The following LRRC7 variants were observed in gnomAD, a reference collection of about 807,000 sequenced individuals.
LRRC7 encodes the protein leucine rich repeat containing 7.
In LRRC7, 23 loss-of-function variants were observed where a neutral mutation model predicts 175.7. The ratio of observed to expected loss-of-function variants is 0.13; its 90% CI spans 0.09 to 0.19. The LOEUF is 0.19. Ranked by LOEUF, LRRC7 falls within the 10% of genes least tolerant of loss-of-function variation. The pLI is 1.00. For synonymous variants in LRRC7, 685 were observed against 680.9 expected (o/e 1.01, Z -0.09); for missense variants, 1,354 against 1,904.7 (o/e 0.71, Z 5.38).
intron 1 of LRRC7, among the ~76,000 whole-genome samples, chr1:69,626,333 C>T (rs1041761993): frequency 6.6e-6 from 1 of 150,650 alleles, no homozygotes. Flanking sequence ...GGATCTTGAC[C>T]CCATATTTCT....
chr1:69,871,433 G>A (rs989739000), intron 7 of LRRC7, among the ~76,000 whole-genome samples: 9 of 151,898 alleles, frequency 5.9e-5, no homozygotes, highest in Non-Finnish European at 1.2e-4. Flanking sequence ...TAAGTTGCAC[G>A]TTTCAGAATC....
intron 5 of LRRC7, among the ~76,000 whole-genome samples, chr1:69,827,022 A>G (rs1257659558): frequency 2.0e-5 from 3 of 152,198 alleles, no homozygotes; most frequent in Non-Finnish European, 4.4e-5. Flanking sequence ...TAAAACATCA[A>G]GCAACAAAAT....
intron 7 of LRRC7, among the ~76,000 whole-genome samples, chr1:69,839,651 C>T (rs1436048620): frequency 6.6e-6 from 1 of 151,956 alleles, no homozygotes; most frequent in East Asian, 1.9e-4. Flanking sequence ...GCAGTTGTCC[C>T]CTTCACCTAA....
Position 69,974,799 on chromosome 1 carries a change from C to A in LRRC7, c.712-5580C>A, listed in dbSNP as rs577232831. Among the ~76,000 whole-genome samples the A allele has an allele frequency of 5.9e-5, 9 of 152,168 alleles. No individual in the cohort carries two copies. The South Asian group carries it at 1.7e-3, about 28-fold the overall frequency. The stretch of plus-strand genomic sequence containing the variant: ...TTATAACATCCAGTAATAAAAATAT[C>A]TTTTTTTAGAAATCAAGCATATGCT... On this transcript the variant is annotated intron_variant, in intron 8 of 26. Coordinates refer to ENST00000651989, the MANE Select transcript of LRRC7 (RefSeq NM_001370785.2).
intron 2 of LRRC7, among the ~76,000 whole-genome samples, chr1:69,736,984 C>T (rs1004077699): frequency 2.6e-5 from 4 of 152,058 alleles, no homozygotes; most frequent in African/African-American, 9.7e-5. Flanking sequence ...CTGTTTACTT[C>T]TTCATAGCTA....
rs77305145 is a variant in LRRC7, at chr1:69,697,037, A to G, written c.100+18559A>G. ...TTTAAGATCAATCAGATCTGGGTCT[A>G]TCCTTTTGCTCTTAATATTTGTTTC... is the stretch of plus-strand genomic sequence containing the variant. On this transcript the variant is annotated intron_variant, in intron 2 of 26. Transcript: ENST00000651989. Among the ~76,000 whole-genome samples the G allele has an allele frequency of 5.8e-3, 883 of 152,278 alleles. 21 individuals carry two copies. The highest frequency in any genetic ancestry group is 0.048 in the East Asian group (248 of 5,180).
chr1:69,913,101 T>C (rs1456189921), intron 7 of LRRC7, among the ~76,000 whole-genome samples: 2 of 152,196 alleles, frequency 1.3e-5, no homozygotes, highest in African/African-American at 2.4e-5. Context: ...CCTCAAAATA[T>C]GTGACAGCTT....
chr1:69,924,168 G>A (rs565101500), intron 7 of LRRC7, among the ~76,000 whole-genome samples: 1 of 152,176 alleles, frequency 6.6e-6, no homozygotes. Flanking sequence ...CTATATCTCT[G>A]TTTTGGTACC....
chr1:69,942,929 A>G (rs1648884011), intron 8 of LRRC7, among the ~76,000 whole-genome samples: 1 of 152,162 alleles, frequency 6.6e-6, no homozygotes, highest in African/African-American at 2.4e-5. Context: ...CTTTGAATGC[A>G]GACCAACACA....
Position 70,135,117 on chromosome 1 carries a change from T to A in LRRC7, c.*13230T>A, listed in dbSNP as rs1056509167. Among the ~76,000 whole-genome samples, 1 of 152,210 alleles carries A rather than the reference T, an allele frequency of 6.6e-6. No individual in the cohort carries two copies. The highest frequency in any genetic ancestry group is 2.4e-5 in the African/African-American group (1 of 41,454). ...CCAGTTGCGCTTTTTATTTCTTTTT[T>A]CCTTTCTTTTCTTTTGCACTACCTC... On this transcript the variant is annotated 3_prime_UTR_variant, in exon 27 of 27. Transcript: ENST00000651989.
chr1:69,673,074 A>G (rs1311460873), intron 1 of LRRC7, among the ~76,000 whole-genome samples: 2 of 152,206 alleles, frequency 1.3e-5, no homozygotes, highest in Non-Finnish European at 2.9e-5. Flanking sequence ...AATTCCAAGT[A>G]TATATTTTTT....
intron 22 of LRRC7, among the ~76,000 whole-genome samples, chr1:70,046,745 C>T (rs535109932): frequency 3.9e-5 from 6 of 152,242 alleles, no homozygotes; most frequent in Admixed American, 6.5e-5. Flanking sequence ...CTTCCTCCCA[C>T]GAATTCCAGT....
chr1:70,073,458 A>T lies in LRRC7; in HGVS notation c.4231-2619A>T, dbSNP rs201279397. On this transcript the variant is annotated intron_variant, in intron 23 of 26. Transcript: ENST00000651989. ...AGAGTAAGACTCTGTCTCTAAAAAT[A>T]AAAATTAAAACTCAATTCAAATAAC... 2.9e-4 allele frequency among the ~76,000 whole-genome samples: 44 copies of T among 152,294 alleles called. 1 individual carries two copies. In the East Asian group the frequency reaches 8.5e-3, roughly 29 times the overall value.
chr1:70,066,222 T>C (rs1236731805), intron 23 of LRRC7, among the ~76,000 whole-genome samples: 1 of 151,994 alleles, frequency 6.6e-6, no homozygotes, highest in South Asian at 2.1e-4. Flanking sequence ...TTATCTTCTT[T>C]AATCTTCACC....
intron 2 of LRRC7, among the ~76,000 whole-genome samples, chr1:69,736,561 C>T (rs1314368052): frequency 1.3e-5 from 2 of 152,088 alleles, no homozygotes; most frequent in African/African-American, 4.8e-5. Flanking sequence ...AGGAACAAAA[C>T]ATCTTCTGAG....
intron 25 of LRRC7, among the ~76,000 whole-genome samples, chr1:70,095,517 T>A (rs1664323074): frequency 6.6e-6 from 1 of 152,222 alleles, no homozygotes; most frequent in Non-Finnish European, 1.5e-5. Context: ...TGAAATGTAC[T>A]CTTCACACTC....
At chr1:69,610,765 C>A (rs377443808) in intron 1 of LRRC7, among the ~76,000 whole-genome samples, 1 of 151,654 alleles carries the variant, frequency 6.6e-6, no homozygotes, top group South Asian at 2.1e-4. Context: ...ATCTCCAGGG[C>A]AAAAATATTT....
chr1:70,068,456 G>A (rs1487692291), intron 23 of LRRC7, among the ~76,000 whole-genome samples: 3 of 151,928 alleles, frequency 2.0e-5, no homozygotes, highest in Non-Finnish European at 4.4e-5. Flanking sequence ...AACATCTCTT[G>A]GTCATGGTAT....
Position 70,038,404 on chromosome 1 carries a change from A to C in LRRC7, c.2580A>C (p.Glu860Asp), listed in dbSNP as rs778612870. 6.2e-7 allele frequency: 1 copy of C among 1,614,084 alleles called. No homozygotes were observed. Among genetic ancestry groups the C allele is most frequent in the East Asian group, 2.2e-5 (1 of 44,844 alleles). The change falls in exon 21 of 27, where the codon GAA becomes GAC. Residue 860 changes from glutamate (E) to aspartate (D), a missense_variant. Around this residue, in one of 4 missense-constraint regions of LRRC7, gnomAD observed 1,032 missense variants for 1,227.2 expected, o/e 0.84. Transcript: ENST00000651989. ...RQDRIVGVPLELEQSTHRHTP... is the reference protein window; with the variant it reads ...RQDRIVGVPLDLEQSTHRHTP... ...ACAGGATTGTTGGTGTTCCCCTGGA[A>C]CTCGAGCAGTCTACACACAGACACA...
Sources: gnomAD v4.1 joint callset for allele counts (sites outside exome capture counted in the v4.1 genomes callset) on GRCh38, gnomAD v4.1.1 for gene constraint, gnomAD v4.1.1 regional missense constraint, MANE v1.5 for transcripts, NCBI Gene and HGNC (gene_info 2026-07-23, HGNC 2026-07-21) for gene names.